Variants in SORCS1 observed in about 807,000 individuals in gnomAD.
SORCS1 encodes the protein sortilin related VPS10 domain containing receptor 1.
Under a neutral mutation model 146.1 loss-of-function variants are expected in SORCS1, and 60 were observed. The ratio of observed to expected loss-of-function variants is 0.41; its 90% confidence interval spans 0.33 to 0.51. The LOEUF is 0.51. Among genes scored for constraint, SORCS1 ranks in the 20% least tolerant of loss-of-function variants. The pLI is 0.21. For synonymous variants in SORCS1, 637 were observed against 584.0 expected (o/e 1.09, Z -1.31); for missense variants, 1,352 against 1,487.6 (o/e 0.91, Z 1.50).
chr10:106,664,888 C>T (rs944238208), intron 17 of SORCS1, among the ~76,000 whole-genome samples: 1 of 152,062 alleles, frequency 6.6e-6, no homozygotes, highest in Non-Finnish European at 1.5e-5. Context: ...TCTAAACATG[C>T]TAGTACCAGC....
chr10:107,073,259 G>A (rs961952524), intron 1 of SORCS1, among the ~76,000 whole-genome samples: 2 of 152,156 alleles, frequency 1.3e-5, no homozygotes, highest in Non-Finnish European at 2.9e-5. Flanking sequence ...CATTTCCGCT[G>A]ACTTTTACAA....
chr10:107,105,954 G>C (rs1965275678), intron 1 of SORCS1, among the ~76,000 whole-genome samples: 1 of 152,208 alleles, frequency 6.6e-6, no homozygotes, highest in Admixed American at 6.5e-5. Context: ...CACCACATGA[G>C]AAGGGTGCAA....
At chr10:106,695,427 C>T (rs951865516) in intron 9 of SORCS1, among the ~76,000 whole-genome samples, 2 of 152,326 alleles carry the variant, frequency 1.3e-5, no homozygotes, top group Middle Eastern at 3.4e-3. Flanking sequence ...CAACCAAATA[C>T]AAGCCCAGAT....
At chr10:107,094,003 C>T (rs1424271407) in intron 1 of SORCS1, among the ~76,000 whole-genome samples, 1 of 152,148 alleles carries the variant, frequency 6.6e-6, no homozygotes, top group Non-Finnish European at 1.5e-5. Flanking sequence ...TCGAGATTTT[C>T]GAATTCTTAT....
rs533851790 is a variant in SORCS1, at chr10:106,911,948, T to TA, written c.626+44564dup. Among the ~76,000 whole-genome samples, 310 of 151,776 alleles carry TA rather than the reference T, an allele frequency of 2.0e-3. 6 individuals are homozygous for TA. The East Asian group carries it at 0.051, about 25-fold the overall frequency. ...TAACATGGAGAAACCCCGTCTCTAC[T>TA]AAAAAATACAAAAAATTAGCCGGGT... On this transcript the variant is annotated intron_variant, in intron 2 of 25. Coordinates refer to ENST00000263054, the MANE Select transcript of SORCS1 (RefSeq NM_052918.5).
intron 3 of SORCS1, among the ~76,000 whole-genome samples, chr10:106,826,130 G>A (rs1004268087): frequency 1.3e-5 from 2 of 152,232 alleles, no homozygotes; most frequent in Non-Finnish European, 2.9e-5. Context: ...AAGGCATGAA[G>A]CCTGCTGTTT....
intron 6 of SORCS1, among the ~76,000 whole-genome samples, chr10:106,718,784 T>C (rs905624183): frequency 2.0e-5 from 3 of 152,044 alleles, no homozygotes; most frequent in East Asian, 3.9e-4. Context: ...AGACACAGAG[T>C]GCTGACTGGT....
chr10:107,041,550 G>T (rs1470294286), intron 1 of SORCS1, among the ~76,000 whole-genome samples: 1 of 152,064 alleles, frequency 6.6e-6, no homozygotes, highest in Non-Finnish European at 1.5e-5. Context: ...GTCAGTTTTA[G>T]TCCCACATGT....
At chr10:107,027,171 T>G (rs1467057891) in intron 1 of SORCS1, among the ~76,000 whole-genome samples, 1 of 151,704 alleles carries the variant, frequency 6.6e-6, no homozygotes, top group African/African-American at 2.4e-5. Flanking sequence ...AGCCTGGTTA[T>G]GTGATTCGTA....
chr10:106,996,750 G>A (rs1957022500), intron 1 of SORCS1, among the ~76,000 whole-genome samples: 3 of 152,188 alleles, frequency 2.0e-5, no homozygotes, highest in Middle Eastern at 3.2e-3. Context: ...TGTGTCGCCT[G>A]CATAATGTGA....
At chr10:106,761,368 A>G (rs1273146638) in intron 5 of SORCS1, among the ~76,000 whole-genome samples, 1 of 152,158 alleles carries the variant, frequency 6.6e-6, no homozygotes, top group Non-Finnish European at 1.5e-5. Flanking sequence ...TCCATAATCC[A>G]TTTGAGGTTT....
Position 106,991,918 on chromosome 10 carries a change from G to A in SORCS1, c.559-35338C>T, listed in dbSNP as rs536924055. On this transcript the variant is annotated intron_variant, in intron 1 of 25. Transcript: ENST00000263054. ...CTACATTTAGAATCTGATTCTGAGCGTAAAAGTAAATTACTCTTTTGGATC... is the reference window on the plus strand; with the variant it reads ...CTACATTTAGAATCTGATTCTGAGCATAAAAGTAAATTACTCTTTTGGATC... Among the ~76,000 whole-genome samples, 8 of 152,290 alleles carry A rather than the reference G, an allele frequency of 5.3e-5. No individual in the cohort carries two copies. The East Asian group carries it at 9.6e-4, about 18-fold the overall frequency.
intron 3 of SORCS1, 49 bp from the exon 4 acceptor site, chr10:106,776,741 C>A (rs780367719): frequency 6.3e-7 from 1 of 1,579,704 alleles, no homozygotes; most frequent in Non-Finnish European, 8.6e-7. Context: ...ATTAAGTTTA[C>A]AAATTTGCAA....
chr10:107,061,366 T>C (rs982048315), intron 1 of SORCS1, among the ~76,000 whole-genome samples: 1 of 152,164 alleles, frequency 6.6e-6, no homozygotes, highest in Non-Finnish European at 1.5e-5. Context: ...TTTCAGTGTA[T>C]GAAAGAAGAA....
At chr10:106,917,626 C>T (rs890855510) in intron 2 of SORCS1, among the ~76,000 whole-genome samples, 1 of 152,194 alleles carries the variant, frequency 6.6e-6, no homozygotes, top group Non-Finnish European at 1.5e-5. Context: ...ATCTTCCACA[C>T]CCTGTTGTGA....
At chr10:106,987,411 G>C (rs1438461893) in intron 1 of SORCS1, among the ~76,000 whole-genome samples, 3 of 152,166 alleles carry the variant, frequency 2.0e-5, no homozygotes, top group Non-Finnish European at 4.4e-5. Flanking sequence ...TCAGGAATCA[G>C]CAAGTATTTC....
chr10:106,952,929 G>A (rs1954760868), intron 2 of SORCS1, among the ~76,000 whole-genome samples: 1 of 151,904 alleles, frequency 6.6e-6, no homozygotes, highest in African/African-American at 2.4e-5. Context: ...GCTGTAGTAA[G>A]CTGTGATCAT....
chr10:107,167,449 A>G (rs1484384377), upstream of SORCS1, among the ~76,000 whole-genome samples: 1 of 152,194 alleles, frequency 6.6e-6, no homozygotes, highest in East Asian at 1.9e-4. Context: ...TGTAATTCCA[A>G]TAAGGAGTCT....
chr10:106,797,555 C>T (rs967996690), intron 3 of SORCS1, among the ~76,000 whole-genome samples: 1 of 149,606 alleles, frequency 6.7e-6, no homozygotes, highest in Non-Finnish European at 1.5e-5. Context: ...ACATGAAAAA[C>T]AGAGGGTAGA....
Sources: allele counts gnomAD v4.1 joint callset (sites outside exome capture counted in the v4.1 genomes callset), GRCh38; gene constraint gnomAD v4.1.1; transcripts MANE v1.5; gene names NCBI Gene and HGNC (gene_info 2026-07-23, HGNC 2026-07-21).